The following FRY variants were observed in gnomAD, a reference collection of about 807,000 sequenced individuals.
FRY encodes the protein protein furry homolog.
Under a neutral mutation model 348.4 loss-of-function variants are expected in FRY, and 128 were observed. That is an observed-to-expected ratio of 0.37 (90% CI 0.32 to 0.43). The LOEUF is 0.43. FRY is among the 20% of genes least tolerant of loss of function. The pLI, the probability that FRY is intolerant of heterozygous loss-of-function variation, is 1.00. For synonymous variants in FRY, 1,370 were observed against 1,374.7 expected (o/e 1.00, Z 0.08); for missense variants, 2,736 against 3,695.2 (o/e 0.74, Z 6.73).
At position 32,079,046 on chromosome 13, in the gene FRY, C is replaced by A; in HGVS notation, c.270+13C>A. 1 of 1,579,064 alleles carries A rather than the reference C, an allele frequency of 6.3e-7. No individual in the cohort carries two copies. The highest frequency in any genetic ancestry group is 8.7e-7 in the Non-Finnish European group (1 of 1,148,592). On this transcript the variant is annotated intron_variant, in intron 2 of 60. Transcript: ENST00000542859. ...GGCAGAGCCCCTGGTGAGTACATGC[C>A]GTGGAAACTGCCTCTTTGAAAATTC...
intron 14 of FRY, among the ~76,000 whole-genome samples, chr13:32,151,247 A>G (rs374101978): frequency 2.0e-5 from 3 of 152,372 alleles, no homozygotes; most frequent in East Asian, 3.9e-4. Flanking sequence ...CTCCTCATTC[A>G]GTCAGTGCGT....
intron 4 of FRY, among the ~76,000 whole-genome samples, chr13:32,118,552 A>G (rs1878451789): frequency 6.6e-6 from 1 of 152,180 alleles, no homozygotes; most frequent in African/African-American, 2.4e-5. Flanking sequence ...AGAGAGATTA[A>G]TAACTTTTTC....
intron 7 of FRY, among the ~76,000 whole-genome samples, chr13:32,125,418 A>G (rs1878959359): frequency 2.0e-5 from 3 of 152,352 alleles, no homozygotes; most frequent in Middle Eastern, 3.4e-3. Flanking sequence ...ATTAGCAACA[A>G]TATACCTCTT....
chr13:32,208,161 C>T (rs1884463610), intron 31 of FRY, among the ~76,000 whole-genome samples: 1 of 152,206 alleles, frequency 6.6e-6, no homozygotes, highest in Admixed American at 6.5e-5. Flanking sequence ...TTGGCAGGCA[C>T]CTTCCACATG....
chr13:32,135,351 A>G (rs1334040470), intron 10 of FRY, among the ~76,000 whole-genome samples, 168 bp downstream of exon 10: 3 of 152,202 alleles, frequency 2.0e-5, no homozygotes, highest in African/African-American at 4.8e-5. Context: ...TGTATTGACC[A>G]TGATTGAATG....
intron 2 of FRY, among the ~76,000 whole-genome samples, chr13:32,088,534 G>C (rs1876040021): frequency 6.6e-6 from 1 of 152,190 alleles, no homozygotes. Flanking sequence ...TGCTGAATGA[G>C]GTGATCTTTC....
intron 50 of FRY, among the ~76,000 whole-genome samples, chr13:32,253,617 T>TA (rs898283933): frequency 3.9e-5 from 6 of 152,192 alleles, no homozygotes; most frequent in African/African-American, 9.7e-5. Flanking sequence ...ATTTTAATAG[T>TA]AAAAAAATGT....
chr13:32,148,814 A>T (rs1034764834), intron 13 of FRY, among the ~76,000 whole-genome samples: 1 of 152,236 alleles, frequency 6.6e-6, no homozygotes, highest in East Asian at 1.9e-4. Flanking sequence ...TTGCTACTTC[A>T]CAGATGATTT....
At chr13:32,274,662 C>A (rs1396778430) in intron 55 of FRY, among the ~76,000 whole-genome samples, 180 bp from the exon 56 acceptor site, 1 of 141,414 alleles carries the variant, frequency 7.1e-6, no homozygotes, top group South Asian at 2.3e-4. Flanking sequence ...CGAGATCGCG[C>A]CACTGCACTC....
intron 17 of FRY, among the ~76,000 whole-genome samples, chr13:32,167,767 C>T (rs1485178935): frequency 6.6e-6 from 1 of 152,132 alleles, no homozygotes; most frequent in African/African-American, 2.4e-5. Context: ...TTTCTAAGAC[C>T]TTCAGGTCCA....
intron 17 of FRY, 75 bp from the exon 18 acceptor site, chr13:32,170,937 T>C: frequency 9.4e-7 from 1 of 1,058,844 alleles, no homozygotes; most frequent in East Asian, 2.4e-5. Context: ...TACATTAATA[T>C]CTATTAATCC....
chr13:32,050,102 C>G (rs1031229192), intron 1 of FRY, among the ~76,000 whole-genome samples: 1 of 152,080 alleles, frequency 6.6e-6, no homozygotes, highest in African/African-American at 2.4e-5. Context: ...TATAGTTATT[C>G]CCAGGTCATA....
chr13:32,037,719 T>G (rs1302027740), intron 1 of FRY, among the ~76,000 whole-genome samples: 3 of 152,228 alleles, frequency 2.0e-5, no homozygotes, highest in Admixed American at 1.3e-4. Flanking sequence ...CATGCAAAGA[T>G]TCTCCTATCC....
intron 59 of FRY, among the ~76,000 whole-genome samples, chr13:32,292,839 T>A (rs1889445178): frequency 6.6e-6 from 1 of 150,882 alleles, no homozygotes; most frequent in Admixed American, 6.6e-5. Flanking sequence ...GCAAACTTCA[T>A]TATTGTCTTA....
At chr13:32,079,130 T>C in intron 2 of FRY, 97 bp downstream of exon 2, 1 of 902,788 alleles carries the variant, frequency 1.1e-6, no homozygotes, top group South Asian at 1.3e-5. Flanking sequence ...TTGCTTTTCC[T>C]CTGGTTTGTA....
At chr13:32,218,143 C>T (rs544215220) in intron 35 of FRY, among the ~76,000 whole-genome samples, 1 of 152,286 alleles carries the variant, frequency 6.6e-6, no homozygotes, top group South Asian at 2.1e-4. Context: ...TCATGTTATT[C>T]AGTATCATGC....
At chr13:32,190,112 A>G (rs894344140) in intron 28 of FRY, among the ~76,000 whole-genome samples, 1 of 151,844 alleles carries the variant, frequency 6.6e-6, no homozygotes, top group Admixed American at 6.6e-5. Context: ...CATGAGAAAA[A>G]CTCCTGGCAA....
intron 1 of FRY, among the ~76,000 whole-genome samples, chr13:32,050,676 G>T (rs1045165094): frequency 6.6e-6 from 1 of 152,194 alleles, no homozygotes; most frequent in African/African-American, 2.4e-5. Context: ...CCACCCTTAT[G>T]TGAGGAAGTT....
At position 32,031,808 on chromosome 13, in the gene FRY, C is replaced by G. The variant is rs1872235066; in HGVS notation, c.13C>G (p.Gln5Glu). 1 of 1,606,478 alleles carries G rather than the reference C, an allele frequency of 6.2e-7. No individual in the cohort carries two copies. Among genetic ancestry groups the G allele is most frequent in the Non-Finnish European group, 8.5e-7 (1 of 1,174,408 alleles). The change falls in exon 1 of 61, where the codon CAG becomes GAG. Residue 5 changes from glutamine to glutamate, a missense_variant. By Grantham distance (29) the Gln-to-Glu change is conservative (BLOSUM62 2). Transcript: ENST00000542859. MASQQDSGFFEISIK... is the reference protein window; with the variant it reads MASQEDSGFFEISIK... ...GTATGCCGCAGACATGGCCAGCCAG[C>G]AGGATTCGGGCTTCTTTGAGATCAG... is the stretch of plus-strand genomic sequence containing the variant.
Sources: allele counts gnomAD v4.1 joint callset (sites outside exome capture counted in the v4.1 genomes callset), GRCh38; gene constraint gnomAD v4.1.1; transcripts MANE v1.5; gene names NCBI Gene and HGNC (gene_info 2026-07-23, HGNC 2026-07-21).